Variants in AUTS2 observed in about 807,000 individuals in gnomAD.
AUTS2 encodes activator of transcription and developmental regulator AUTS2.
AUTS2 carries 17 observed loss-of-function variants against 112.4 expected under a neutral mutation model. That is an observed-to-expected ratio of 0.15 (90% CI 0.10 to 0.23). AUTS2 has a LOEUF of 0.23. AUTS2 is among the 10% of genes least tolerant of loss of function. The probability of loss-of-function intolerance (pLI) is 1.00; values close to 1 mark genes in which losing one functional copy is unlikely to be tolerated. For synonymous variants in AUTS2, 751 were observed against 702.7 expected (o/e 1.07, Z -1.09); for missense variants, 1,510 against 1,701.6 (o/e 0.89, Z 1.98).
intron 1 of AUTS2, among the ~76,000 whole-genome samples, chr7:69,620,730 G>A (rs1377472244): frequency 6.6e-6 from 1 of 152,152 alleles, no homozygotes; most frequent in Non-Finnish European, 1.5e-5. Context: ...TTTGACTTCC[G>A]GGTGTGGGAA....
chr7:70,369,075 A>G (rs1008125971), intron 4 of AUTS2, among the ~76,000 whole-genome samples: 8 of 152,170 alleles, frequency 5.3e-5, no homozygotes, highest in Non-Finnish European at 1.0e-4. Context: ...TAATTTTCCC[A>G]AGAGAGCGAT....
chr7:70,009,688 A>G (rs1471585335), intron 2 of AUTS2, among the ~76,000 whole-genome samples: 1 of 152,174 alleles, frequency 6.6e-6, no homozygotes, highest in East Asian at 1.9e-4. Context: ...TGTTTCTTTA[A>G]TCGGATTCTC....
intron 1 of AUTS2, among the ~76,000 whole-genome samples, chr7:69,702,966 G>C (rs1271001648): frequency 6.6e-6 from 1 of 152,184 alleles, no homozygotes; most frequent in Non-Finnish European, 1.5e-5. Flanking sequence ...TAGTTGAGGA[G>C]ACAGGATTGT....
chr7:70,073,997 G>T (rs1181380835), intron 2 of AUTS2, among the ~76,000 whole-genome samples: 4 of 152,166 alleles, frequency 2.6e-5, no homozygotes, highest in Non-Finnish European at 5.9e-5. Context: ...CACCTAATTA[G>T]ATTTTGTCAA....
At chr7:70,475,381 G>A (rs1215901081) in intron 5 of AUTS2, among the ~76,000 whole-genome samples, 2 of 152,098 alleles carry the variant, frequency 1.3e-5, no homozygotes, top group Admixed American at 6.6e-5. Context: ...CATTACATCA[G>A]GGCCTTTTCC....
intron 1 of AUTS2, among the ~76,000 whole-genome samples, chr7:69,750,444 T>G (rs935959514): frequency 5.4e-5 from 8 of 148,872 alleles, no homozygotes; most frequent in Admixed American, 3.4e-4. Context: ...TATATTAGTA[T>G]TATTATTTGT....
chr7:69,667,846 A>G (rs929220115), intron 1 of AUTS2, among the ~76,000 whole-genome samples: 3 of 152,150 alleles, frequency 2.0e-5, no homozygotes, highest in Admixed American at 6.5e-5. Flanking sequence ...TTTCCTGACC[A>G]TCTCTCTACA....
intron 2 of AUTS2, among the ~76,000 whole-genome samples, chr7:69,939,202 G>C (rs1457369629): frequency 6.6e-6 from 1 of 152,128 alleles, no homozygotes; most frequent in Admixed American, 6.5e-5. Flanking sequence ...GGCTCAACAT[G>C]TGAACAATGA....
intron 4 of AUTS2, among the ~76,000 whole-genome samples, chr7:70,415,257 C>T (rs1794942022): frequency 6.6e-6 from 1 of 152,152 alleles, no homozygotes; most frequent in Non-Finnish European, 1.5e-5. Context: ...CCTGGTGCTG[C>T]ACCACTAGCC....
chr7:70,533,224 T>C (rs1303828911), intron 5 of AUTS2, among the ~76,000 whole-genome samples: 1 of 152,154 alleles, frequency 6.6e-6, no homozygotes, highest in African/African-American at 2.4e-5. Context: ...CAAGCAATCC[T>C]CCTGCCTCAG....
intron 5 of AUTS2, among the ~76,000 whole-genome samples, chr7:70,678,362 T>C (rs1808034273): frequency 6.6e-6 from 1 of 152,218 alleles, no homozygotes; most frequent in East Asian, 1.9e-4. Context: ...TTTGATGACA[T>C]GAAGAGGCTA....
Position 69,816,645 on chromosome 7 carries a change from A to T in AUTS2, c.310-82641A>T, listed in dbSNP as rs7781403. Among the ~76,000 whole-genome samples the T allele has an allele frequency of 2.0e-5, 3 of 152,176 alleles. No homozygotes were observed. The East Asian group carries it at 5.8e-4, about 29-fold the overall frequency. Reference sequence around the variant, plus strand: ...TTGACTGATAACTATAGAGTACTTTACAGTTTACCAAGAGCTTTCCTTCAT... The same window carrying T: ...TTGACTGATAACTATAGAGTACTTTTCAGTTTACCAAGAGCTTTCCTTCAT... On this transcript the variant is annotated intron_variant, in intron 1 of 18. Transcript: ENST00000342771.
intron 6 of AUTS2, among the ~76,000 whole-genome samples, chr7:70,712,773 G>T (rs1321833411): frequency 6.6e-6 from 1 of 152,114 alleles, no homozygotes; most frequent in African/African-American, 2.4e-5. Context: ...ATAGGTCTAG[G>T]TTCGTAGTTG....
chr7:69,829,227 A>G (rs921525059), intron 1 of AUTS2, among the ~76,000 whole-genome samples: 3 of 152,226 alleles, frequency 2.0e-5, no homozygotes, highest in Non-Finnish European at 2.9e-5. Flanking sequence ...CTTACACTTT[A>G]TATAAAAATT....
chr7:70,519,449 C>G lies in AUTS2; in HGVS notation c.690+83668C>G, dbSNP rs539616613. Among the ~76,000 whole-genome samples, 259 of 152,258 alleles carry G rather than the reference C, an allele frequency of 1.7e-3. 4 individuals are homozygous for G. Among genetic ancestry groups the G allele is most frequent in the Admixed American group, 5.0e-3 (77 of 15,292 alleles). ...GCCACATCCCTTCTTCCCAGCCCAA[C>G]CAAGAACCAGGGAACCAGTCATTCT... is the stretch of plus-strand genomic sequence containing the variant. On this transcript the variant is annotated intron_variant, in intron 5 of 18. Transcript: ENST00000342771.
Position 69,731,983 on chromosome 7 carries a change from T to C in AUTS2, c.309+132021T>C, listed in dbSNP as rs1404760572. Among the ~76,000 whole-genome samples the C allele has an allele frequency of 2.0e-5, 3 of 152,318 alleles. No individual in the cohort carries two copies. The East Asian group carries it at 5.8e-4, about 29-fold the overall frequency. On this transcript the variant is annotated intron_variant, in intron 1 of 18. Coordinates refer to ENST00000342771, the MANE Select transcript of AUTS2 (RefSeq NM_015570.4). ...TTAGGAAGCACTTTGTATAGAAAAT[T>C]ACAAATAGTTTTTTGTTTTTTGTTT...
intron 5 of AUTS2, among the ~76,000 whole-genome samples, chr7:70,545,893 A>G (rs1028147051): frequency 6.6e-6 from 1 of 152,196 alleles, no homozygotes; most frequent in East Asian, 1.9e-4. Context: ...AGATGAAACA[A>G]GACTGGCCAT....
intron 2 of AUTS2, among the ~76,000 whole-genome samples, chr7:69,944,605 T>A (rs1027793250): frequency 2.6e-5 from 4 of 152,200 alleles, no homozygotes; most frequent in Non-Finnish European, 5.9e-5. Flanking sequence ...ACCATCAAAC[T>A]GAATGGTCAG....
At chr7:70,764,588 TTG>T (rs535322634) in intron 7 of AUTS2, among the ~76,000 whole-genome samples, 162 bp from the exon 8 acceptor site, 22 of 151,646 alleles carry the variant, frequency 1.5e-4, no homozygotes, top group Admixed American at 4.6e-4. Flanking sequence ...TTTGCAGGAG[TTG>T]TGATTTCAGA....
Sources: gnomAD v4.1 joint callset for allele counts (sites outside exome capture counted in the v4.1 genomes callset) on GRCh38, gnomAD v4.1.1 for gene constraint, MANE v1.5 for transcripts, NCBI Gene and HGNC (gene_info 2026-07-23, HGNC 2026-07-21) for gene names.